Variants in CNOT10 observed in about 807,000 individuals in gnomAD.
CNOT10 encodes CCR4-NOT transcription complex, subunit 10.
In CNOT10, 30 loss-of-function variants were observed where a neutral mutation model predicts 94.6. The ratio of observed to expected loss-of-function variants is 0.32; its 90% CI spans 0.24 to 0.43. CNOT10 has a LOEUF of 0.43. Ranked by LOEUF, CNOT10 falls within the 20% of genes least tolerant of loss-of-function variation. The pLI, the probability that CNOT10 is intolerant of heterozygous loss-of-function variation, is 1.00. For synonymous variants in CNOT10, 289 were observed against 301.6 expected, an observed-to-expected ratio of 0.96 and a Z score of 0.43; for missense variants, 759 against 877.2, an observed-to-expected ratio of 0.87 and a Z score of 1.70.
chr3:32,689,623 G>T (rs543694769), intron 1 of CNOT10, among the ~76,000 whole-genome samples: 1 of 152,216 alleles, frequency 6.6e-6, no homozygotes, highest in African/African-American at 2.4e-5. Context: ...GTCTGTGTTA[G>T]TTGTGTTCTA....
intron 13 of CNOT10, among the ~76,000 whole-genome samples, chr3:32,755,178 G>A (rs977355810): frequency 2.6e-5 from 4 of 151,444 alleles, no homozygotes; most frequent in African/African-American, 9.7e-5. Flanking sequence ...ACCGGGAAGT[G>A]GAGGTTGTGG....
chr3:32,730,120 C>T (rs1297653843), intron 10 of CNOT10, among the ~76,000 whole-genome samples: 1 of 152,120 alleles, frequency 6.6e-6, no homozygotes, highest in Non-Finnish European at 1.5e-5. Flanking sequence ...TGCTTATTCT[C>T]TTTAATCTGT....
intron 10 of CNOT10, among the ~76,000 whole-genome samples, chr3:32,730,141 A>T (rs963181640): frequency 5.6e-4 from 86 of 152,292 alleles, no homozygotes; most frequent in African/African-American, 2.0e-3. Flanking sequence ...TTATAAATTT[A>T]AGTGTTGGGC....
chr3:32,748,953 C>T (rs1396000911), intron 13 of CNOT10, among the ~76,000 whole-genome samples: 2 of 152,132 alleles, frequency 1.3e-5, no homozygotes, highest in African/African-American at 4.8e-5. Context: ...TCCCGAGTAG[C>T]TGGGATTACA....
Position 32,735,536 on chromosome 3 carries a change from G to A in CNOT10, c.1514+560G>A, listed in dbSNP as rs1212564258. Among the ~76,000 whole-genome samples, 4 of 151,958 alleles carry A rather than the reference G, an allele frequency of 2.6e-5. No individual in the cohort carries two copies. The East Asian group carries it at 7.7e-4, about 29-fold the overall frequency. ...CAGCTGGCCAACATGGTGAAACCCC[G>A]TCTCTACTAAAAATACAAAAATTAG... is the stretch of plus-strand genomic sequence containing the variant. On this transcript the variant is annotated intron_variant, in intron 12 of 18. Transcript: ENST00000328834.
intron 14 of CNOT10, among the ~76,000 whole-genome samples, chr3:32,761,474 C>T (rs1286210871): frequency 6.6e-6 from 1 of 152,180 alleles, no homozygotes; most frequent in African/African-American, 2.4e-5. Context: ...CTCACTGCAA[C>T]CTCCACTGTC....
At chr3:32,773,275 C>T (rs920276797) in intron 18 of CNOT10, among the ~76,000 whole-genome samples, 182 bp from the exon 19 acceptor site, 2 of 152,134 alleles carry the variant, frequency 1.3e-5, no homozygotes, top group African/African-American at 4.8e-5. Context: ...TGCCCTACAT[C>T]GCTTAAATCA....
chr3:32,700,291 A>G (rs1209753469), intron 1 of CNOT10, among the ~76,000 whole-genome samples: 1 of 152,006 alleles, frequency 6.6e-6, no homozygotes, highest in Non-Finnish European at 1.5e-5. Context: ...TTCTTTATAG[A>G]AGCATGTTTG....
chr3:32,731,032 C>T (rs1225498666), intron 10 of CNOT10: 1 of 152,134 alleles, frequency 6.6e-6, no homozygotes, highest in East Asian at 1.9e-4. Flanking sequence ...CCATTTGGAT[C>T]AGTTTTCATG....
chr3:32,708,637 G>A, intron 3 of CNOT10, 33 bp from the exon 4 acceptor site: 1 of 1,567,296 alleles, frequency 6.4e-7, no homozygotes, highest in Non-Finnish European at 8.6e-7. Context: ...TTTCCTTAAT[G>A]TTAAAATATA....
rs1169334696 is a variant in CNOT10 at position 32,720,859 on chromosome 3, C to CCCTTCCTTCCTTCCTT, written c.862+634_862+635insTTCCTTCCTTCCTTCC. The stretch of plus-strand genomic sequence containing the variant: ...TCCCTTCCTCCCTTCCTCCCTTCCT[C>CCCTTCCTTCCTTCCTT]CCTTCCCTCCTTCCTTCTTTCTTTT... On this transcript the variant is annotated intron_variant, in intron 8 of 18. Transcript: ENST00000328834. Among the ~76,000 whole-genome samples, 376 of 137,930 alleles carry CCCTTCCTTCCTTCCTT rather than the reference C, an allele frequency of 2.7e-3. 1 individual carries two copies. Among genetic ancestry groups the CCCTTCCTTCCTTCCTT allele is most frequent in the Non-Finnish European group, 4.2e-3 (269 of 64,028 alleles). 90.5% of individuals were successfully genotyped at this position (137,930 alleles called of 152,430 possible). A position where few individuals can be genotyped will look rare whatever the true frequency, so the allele number is the denominator to read the frequency against.
chr3:32,757,178 T>TTTTC (rs1379673605), intron 13 of CNOT10, among the ~76,000 whole-genome samples: 1 of 120,162 alleles, frequency 8.3e-6, no homozygotes, highest in African/African-American at 3.1e-5. Flanking sequence ...TAATTTTTTT[T>TTTTC]TTTTTTTTTT....
At chr3:32,695,252 A>T (rs1402021668) in intron 1 of CNOT10, among the ~76,000 whole-genome samples, 1 of 152,176 alleles carries the variant, frequency 6.6e-6, no homozygotes, top group African/African-American at 2.4e-5. Context: ...TAGAAATCAT[A>T]TGTGAGGTAT....
chr3:32,746,106 T>C (rs1385186773), intron 13 of CNOT10, among the ~76,000 whole-genome samples: 1 of 152,236 alleles, frequency 6.6e-6, no homozygotes, highest in Non-Finnish European at 1.5e-5. Flanking sequence ...TTATACCATT[T>C]ATATGACAAA....
In CNOT10 at chr3:32,727,998, T is replaced by C. The variant is rs1698761465; in HGVS notation, c.1215+128T>C. 1.6e-5 allele frequency: 10 copies of C among 614,680 alleles called. No homozygotes were observed. The South Asian group carries it at 2.2e-4, about 14-fold the overall frequency. 38.1% of individuals were successfully genotyped at this position (614,680 alleles called of 1,614,324 possible). A position where few individuals can be genotyped will look rare whatever the true frequency, so the allele number is the denominator to read the frequency against. Reference sequence around the variant, plus strand: ...TTCTCTTTTTATTTATTTATTTATTTATTTATTTATTTTTTGAGACGGAGT... The same window carrying C: ...TTCTCTTTTTATTTATTTATTTATTCATTTATTTATTTTTTGAGACGGAGT... On this transcript the variant is annotated intron_variant, in intron 10 of 18. Transcript: ENST00000328834.
intron 4 of CNOT10, among the ~76,000 whole-genome samples, chr3:32,711,228 C>T (rs761191992): frequency 2.0e-5 from 3 of 152,152 alleles, no homozygotes; most frequent in Non-Finnish European, 4.4e-5. Context: ...TAGGACACCC[C>T]TCTTCAGATA....
At chr3:32,730,930 G>A (rs1047286137) in intron 10 of CNOT10, 14 of 152,122 alleles carry the variant, frequency 9.2e-5, no homozygotes, top group African/African-American at 2.7e-4. Context: ...TCTGGCTATC[G>A]GTGCTTGAAG....
intron 1 of CNOT10, among the ~76,000 whole-genome samples, chr3:32,702,530 T>C (rs572370833): frequency 1.3e-5 from 2 of 152,372 alleles, no homozygotes; most frequent in African/African-American, 4.8e-5. Flanking sequence ...ACTTTTTAAA[T>C]GTGTTAATAT....
At chr3:32,749,218 G>T (rs1699850877) in intron 13 of CNOT10, among the ~76,000 whole-genome samples, 1 of 151,064 alleles carries the variant, frequency 6.6e-6, no homozygotes, top group Admixed American at 6.6e-5. Flanking sequence ...TTTTGAAGGT[G>T]CCCTTTGAAG....
Sources: allele counts gnomAD v4.1 joint callset (sites outside exome capture counted in the v4.1 genomes callset), GRCh38; gene constraint gnomAD v4.1.1; transcripts MANE v1.5; gene names NCBI Gene and HGNC (gene_info 2026-07-23, HGNC 2026-07-21).